The following WNT2B variants were observed in gnomAD, a reference collection of about 807,000 sequenced individuals.
WNT2B encodes the protein protein Wnt-2b.
Under a neutral mutation model 40.5 loss-of-function variants are expected in WNT2B, and 19 were observed. The observed-to-expected ratio is 0.47, with a 90% CI of 0.33 to 0.69. WNT2B has a LOEUF of 0.69. Ranked by LOEUF, WNT2B falls within the 30% of genes least tolerant of loss-of-function variation. The pLI is 0.02. For synonymous variants in WNT2B, 220 were observed against 211.9 expected, an observed-to-expected ratio of 1.04 and a Z score of -0.33; for missense variants, 467 against 556.4, an observed-to-expected ratio of 0.84 and a Z score of 1.62.
intron 1 of WNT2B, among the ~76,000 whole-genome samples, chr1:112,489,411 A>G (rs1402704406): frequency 6.6e-6 from 1 of 152,048 alleles, no homozygotes; most frequent in African/African-American, 2.4e-5. Context: ...ATACAAAAAA[A>G]AAATTAGCCG....
rs548556077 is a variant in WNT2B, at chr1:112,521,666, A to G, written c.*1157A>G. 2.0e-5 allele frequency: 3 copies of G among 152,152 alleles called. No homozygotes were observed. The highest frequency in any genetic ancestry group is 7.2e-5 in the African/African-American group (3 of 41,434). 9.4% of individuals were successfully genotyped at this position (152,152 alleles called of 1,614,324 possible). On this transcript the variant is annotated 3_prime_UTR_variant, in exon 5 of 5. Coordinates refer to ENST00000369684, the MANE Select transcript of WNT2B (RefSeq NM_024494.3). ...CAAATCTTTATTTAGTGACTCTCCA[A>G]GTCCTAGTGATTATTATTATTGTTC...
rs192542190 is a variant in WNT2B at position 112,486,108 on chromosome 1, G to A, written c.-95+18517G>A. 1.9e-3 allele frequency among the ~76,000 whole-genome samples: 246 copies of A among 132,258 alleles called. 2 individuals carry two copies. Among genetic ancestry groups the A allele is most frequent in the African/African-American group, 7.6e-3 (242 of 31,634 alleles). 86.8% of individuals were successfully genotyped at this position (132,258 alleles called of 152,430 possible). ...GCTTGAGCCCAGGAGTTCAAGACCA[G>A]CCTGGGCAAGATAATGAGTTTTTAA... On this transcript the variant is annotated intron_variant, in intron 1 of 4. Coordinates refer to the WNT2B transcript ENST00000256640.
In WNT2B at chr1:112,523,622, T is replaced by C. The variant is rs1378563487; in HGVS notation, c.*3113T>C. 1.3e-5 allele frequency: 2 copies of C among 152,210 alleles called. No individual in the cohort carries two copies. Among genetic ancestry groups the C allele is most frequent in the Non-Finnish European group, 2.9e-5 (2 of 68,048 alleles). 9.4% of individuals were successfully genotyped at this position (152,210 alleles called of 1,614,324 possible). A position where few individuals can be genotyped will look rare whatever the true frequency, so the allele number is the denominator to read the frequency against. On this transcript the variant is annotated 3_prime_UTR_variant, in exon 5 of 5. Coordinates refer to ENST00000369684, the MANE Select transcript of WNT2B (RefSeq NM_024494.3). ...CCCCTTCTCCCAGCCCTCTTCTATT[T>C]GATAGAGGTCTGTCCCTCAGATCAG... is the stretch of plus-strand genomic sequence containing the variant.
At position 112,516,259 on chromosome 1, in the gene WNT2B, C is replaced by T. The variant is rs2101090174; in HGVS notation, c.523C>T (p.Arg175Ter). 1.2e-6 allele frequency: 2 copies of T among 1,614,104 alleles called. No individual in the cohort carries two copies. The highest frequency in any genetic ancestry group is 2.2e-5 in the East Asian group (1 of 44,858). ...CAGCTGTGACCCCTACACCCGTGGC[C>T]GACACCATGACCAGCGTGGGGACTT... is the stretch of plus-strand genomic sequence containing the variant. ...VCSCDPYTRG[R>*]HHDQRGDFDW... Residue 175 changes from arginine (R) to a stop codon, truncating the protein, a stop_gained, in exon 3 of 5, where the codon CGA becomes TGA. Coordinates refer to ENST00000369684, the MANE Select transcript of WNT2B (RefSeq NM_024494.3). LOFTEE classifies it high-confidence loss of function.
rs915717826 is a variant in WNT2B, at chr1:112,527,271, C to T, written c.*6762C>T. The stretch of plus-strand genomic sequence containing the variant: ...ATGCTGCAGCTCCCTGACCTGGGCC[C>T]CTACTTGAGCTAGGAGAAGAACACC... On this transcript the variant is annotated 3_prime_UTR_variant, in exon 5 of 5. Coordinates refer to ENST00000369684, the MANE Select transcript of WNT2B (RefSeq NM_024494.3). 2 of 152,318 alleles carry T rather than the reference C, an allele frequency of 1.3e-5. No homozygotes were observed. The highest frequency in any genetic ancestry group is 2.4e-5 in the African/African-American group (1 of 41,452). The allele number at this position is 152,318 out of a possible 1,614,324, so 9.4% of individuals were successfully genotyped here.
chr1:112,520,726 A>C lies in WNT2B; in HGVS notation c.*217A>C. 1 of 591,952 alleles carries C rather than the reference A, an allele frequency of 1.7e-6. No individual in the cohort carries two copies. Among genetic ancestry groups the C allele is most frequent in the South Asian group, 2.2e-5 (1 of 45,144 alleles). The allele number at this position is 591,952 out of a possible 1,614,324, so 36.7% of individuals were successfully genotyped here. A position where few individuals can be genotyped will look rare whatever the true frequency, so the allele number is the denominator to read the frequency against. On this transcript the variant is annotated 3_prime_UTR_variant, in exon 5 of 5. Coordinates refer to ENST00000369684, the MANE Select transcript of WNT2B (RefSeq NM_024494.3). ...TATAAGAAACTGAGCAAGCTCCCTG[A>C]TTTCCCGCTCTGGAGATTTGAAGGG... is the stretch of plus-strand genomic sequence containing the variant.
At chr1:112,496,196 C>A (rs535802213) in intron 1 of WNT2B, among the ~76,000 whole-genome samples, 2 of 152,314 alleles carry the variant, frequency 1.3e-5, no homozygotes, top group African/African-American at 2.4e-5. Flanking sequence ...TCACTGCAAG[C>A]CTCGACCTCC....
Position 112,515,764 on chromosome 1 carries a change from C to T in WNT2B, c.404-376C>T, listed in dbSNP as rs528711487. 2.6e-4 allele frequency among the ~76,000 whole-genome samples: 39 copies of T among 152,286 alleles called. No homozygotes were observed. In the Middle Eastern group the frequency reaches 0.01, roughly 40 times the overall value. ...TGGGGGAACTGTCCAGCAGAGTGGG[C>T]CTGAAAAGGCCTGGAATGTGGACTA... On this transcript the variant is annotated intron_variant, in intron 2 of 4. Transcript: ENST00000369684. The surrounding 1 kb of genome is among the most constrained non-coding windows in gnomAD (Gnocchi z 4.4).
chr1:112,498,817 T>A (rs1474268566), intron 1 of WNT2B, among the ~76,000 whole-genome samples: 5 of 152,182 alleles, frequency 3.3e-5, no homozygotes, highest in African/African-American at 1.2e-4. Context: ...GATCCTTTAG[T>A]GTAGTAGAAT....
intron 1 of WNT2B, among the ~76,000 whole-genome samples, chr1:112,483,809 T>G (rs1249929432): frequency 1.3e-5 from 2 of 149,368 alleles, no homozygotes; most frequent in Admixed American, 6.7e-5. Context: ...GAGAATAAAT[T>G]TAAAAAATAA....
rs1173778003 is a variant in WNT2B at position 112,529,482 on chromosome 1, A to G, written c.*8973A>G. On this transcript the variant is annotated 3_prime_UTR_variant, in exon 5 of 5. Coordinates refer to ENST00000369684, the MANE Select transcript of WNT2B (RefSeq NM_024494.3). ...AATACAAACCCATGGAATCTGACAT[A>G]AGCTGATTGCTCATGCTGGTTGTTT... 6.6e-6 allele frequency: 1 copy of G among 152,178 alleles called. No individual in the cohort carries two copies. Among genetic ancestry groups the G allele is most frequent in the African/African-American group, 2.4e-5 (1 of 41,440 alleles). 9.4% of individuals were successfully genotyped at this position (152,178 alleles called of 1,614,324 possible).
chr1:112,507,832 A>T (rs139467588), upstream of WNT2B, among the ~76,000 whole-genome samples: 689 of 152,390 alleles, frequency 4.5e-3, 2 homozygotes, highest in Middle Eastern at 0.02. Context: ...GCCAGATCCC[A>T]GGTGAACTCT....
At chr1:112,504,243 A>C (rs1570784586), upstream of WNT2B, among the ~76,000 whole-genome samples, 1 of 150,794 alleles carries the variant, frequency 6.6e-6, no homozygotes. Flanking sequence ...GGCTCCAGAC[A>C]CCCCCATTCC....
chr1:112,498,687 A>G (rs905629436), intron 1 of WNT2B, among the ~76,000 whole-genome samples: 1 of 152,018 alleles, frequency 6.6e-6, no homozygotes, highest in African/African-American at 2.4e-5. Flanking sequence ...ATTGTTTCCC[A>G]TTTCCATCTG....
chr1:112,484,339 T>G, intron 1 of WNT2B, among the ~76,000 whole-genome samples: 1 of 148,038 alleles, frequency 6.8e-6, no homozygotes, highest in African/African-American at 2.5e-5. Context: ...GTCTCACTTG[T>G]CACCCAGGCT....
rs1260301884 is a variant in WNT2B at position 112,496,618 on chromosome 1, G to A, written c.-94-18256G>A. ...TTTTTCTTTTTTGTTTTTTTTTTTCGAGACGGAGTTTCACTCTTGTTGCCC... is the reference window on the plus strand; with the variant it reads ...TTTTTCTTTTTTGTTTTTTTTTTTCAAGACGGAGTTTCACTCTTGTTGCCC... On this transcript the variant is annotated intron_variant, in intron 1 of 4. Transcript: ENST00000256640. 5.0e-5 allele frequency among the ~76,000 whole-genome samples: 7 copies of A among 139,678 alleles called. No homozygotes were observed. The East Asian group carries it at 1.2e-3, about 25-fold the overall frequency. The allele number at this position is 139,678 out of a possible 152,430, so 91.6% of individuals were successfully genotyped here.
At chr1:112,505,142 A>C (rs947141434), upstream of WNT2B, among the ~76,000 whole-genome samples, 22 of 152,138 alleles carry the variant, frequency 1.4e-4, no homozygotes, top group African/African-American at 4.8e-4. Flanking sequence ...TAGTGCCACT[A>C]TGGGGAAGAG....
rs186977781 is a variant in WNT2B, at chr1:112,488,206, G to A, written c.-95+20615G>A. ...CCAGCTATTTGGGAGGCTGAGGCTG[G>A]AGAATTATTTGAACTAGGGAGGTAG... On this transcript the variant is annotated intron_variant, in intron 1 of 4. Transcript: ENST00000256640. Among the ~76,000 whole-genome samples the A allele has an allele frequency of 2.4e-3, 357 of 151,836 alleles. 1 individual carries two copies. The highest frequency in any genetic ancestry group is 8.2e-3 in the African/African-American group (340 of 41,410).
upstream of WNT2B, among the ~76,000 whole-genome samples, chr1:112,507,336 G>A (rs1460313424): frequency 1.3e-5 from 2 of 152,166 alleles, no homozygotes; most frequent in African/African-American, 4.8e-5. Flanking sequence ...GTTCACCAAT[G>A]GGTCCCTAGT....
Sources: gnomAD v4.1 joint callset for allele counts (sites outside exome capture counted in the v4.1 genomes callset) on GRCh38, gnomAD v4.1.1 for gene constraint, Gnocchi (gnomAD v3.1) non-coding constraint, MANE v1.5 for transcripts, NCBI Gene and HGNC (gene_info 2026-07-23, HGNC 2026-07-21) for gene names.